TMEM9B: variants seen among roughly 807,000 people sequenced by gnomAD.
TMEM9B encodes transmembrane protein 9B.
A neutral mutation model predicts 23.5 loss-of-function variants in TMEM9B; 8 were observed. That is an observed-to-expected ratio of 0.34 (90% CI 0.20 to 0.61). The LOEUF (loss-of-function observed/expected upper bound fraction) is 0.61, where lower values mean the gene tolerates loss of function less well. Ranked by LOEUF, TMEM9B falls within the 20% of genes least tolerant of loss-of-function variation. The pLI is 0.78. For synonymous variants in TMEM9B, 106 were observed against 96.3 expected, an observed-to-expected ratio of 1.10 and a Z score of -0.59; for missense variants, 197 against 252.3, an observed-to-expected ratio of 0.78 and a Z score of 1.49.
At chr11:8,956,156 G>A in intron 3 of TMEM9B, 34 bp downstream of exon 3, 1 of 1,590,528 alleles carries the variant, frequency 6.3e-7, no homozygotes. Flanking sequence ...TAGACAGACA[G>A]ACAGACAGGT....
At chr11:8,959,190 A>G (rs1854029499) in intron 2 of TMEM9B, among the ~76,000 whole-genome samples, 1 of 152,196 alleles carries the variant, frequency 6.6e-6, no homozygotes, top group South Asian at 2.1e-4. Flanking sequence ...TATCCCTATA[A>G]TCCCAGAGTT....
Position 8,948,417 on chromosome 11 carries a change from T to A in TMEM9B, c.500A>T (p.Asn167Ile), listed in dbSNP as rs1214632776. The A allele has an allele frequency of 6.2e-7, 1 of 1,614,238 alleles. No individual in the cohort carries two copies. The highest frequency in any genetic ancestry group is 2.2e-5 in the East Asian group (1 of 44,884). ...DVLARSRSRA[N>I]VLNKVEYAQQ... ...TGCATATTCTACCTTGTTCAGCACG[T>A]TGGCTCGACTGCGGGAGCGGGCTAG... Residue 167 changes from asparagine (N) to isoleucine (I), a missense_variant, in exon 5 of 5, where the codon AAC becomes ATC. Physicochemically the swap from Asn to Ile is moderately radical, Grantham distance 149 (BLOSUM62 -3). This residue lies in a region of TMEM9B where 141 missense variants were observed against 214.1 expected (regional missense o/e 0.66). Coordinates refer to ENST00000534025, the MANE Select transcript of TMEM9B (RefSeq NM_020644.3).
intron 3 of TMEM9B, 141 bp from the exon 4 acceptor site, chr11:8,953,478 C>T: frequency 3.6e-6 from 3 of 839,880 alleles, no homozygotes; most frequent in Non-Finnish European, 5.4e-6. Context: ...AAGAAATAAA[C>T]TCAACTCTTC....
chr11:8,955,447 T>C (rs932066878), intron 3 of TMEM9B, among the ~76,000 whole-genome samples: 8 of 152,176 alleles, frequency 5.3e-5, no homozygotes, highest in African/African-American at 1.7e-4. Flanking sequence ...CACCATAACA[T>C]AGAATCAGTG....
Position 8,948,505 on chromosome 11 carries a change from G to A in TMEM9B, c.442-30C>T, listed in dbSNP as rs1306309633. On this transcript the variant is annotated intron_variant, in intron 4 of 4. Coordinates refer to ENST00000534025, the MANE Select transcript of TMEM9B (RefSeq NM_020644.3). The stretch of plus-strand genomic sequence containing the variant: ...AAGTCCAGGAATGGAGAACATTAGA[G>A]ATGGCACAGTCAGTGTAAAACATAG... The A allele has an allele frequency of 1.9e-6, 3 of 1,608,582 alleles. No homozygotes were observed. The African/African-American group carries it at 4.0e-5, about 22-fold the overall frequency.
intron 2 of TMEM9B, among the ~76,000 whole-genome samples, chr11:8,958,242 C>T (rs1282880810): frequency 6.7e-6 from 1 of 148,846 alleles, no homozygotes; most frequent in African/African-American, 2.5e-5. Context: ...GCGGTTGGAT[C>T]ATGAGGTCAG....
At chr11:8,953,000 C>T (rs1853911905) in intron 4 of TMEM9B, 1 of 657,036 alleles carries the variant, frequency 1.5e-6, no homozygotes, top group East Asian at 2.7e-5. Flanking sequence ...CAAAGATCAT[C>T]GTTTAAATCA....
At position 8,964,253 on chromosome 11, in the gene TMEM9B, C is replaced by T; in HGVS notation, c.61G>A (p.Ala21Thr). The T allele has an allele frequency of 6.3e-7, 1 of 1,597,060 alleles. No homozygotes were observed. The highest frequency in any genetic ancestry group is 1.7e-4 in the Middle Eastern group (1 of 6,018). Residue 21 changes from alanine to threonine, a missense_variant, in exon 1 of 5, where the codon GCG becomes ACG. By Grantham distance (58) the Ala-to-Thr change is moderately conservative (BLOSUM62 0). Coordinates refer to ENST00000534025, the MANE Select transcript of TMEM9B (RefSeq NM_020644.3). Reference protein sequence around the residue: ...LGSLLSLSCLALSVLLLAQLS... With the variant: ...LGSLLSLSCLTLSVLLLAQLS... ...TGCGCCAGCAGCAGCACGGAAAGCG[C>T]CAGGCACGACAGGCTGAGCAAGGAG...
At position 8,964,328 on chromosome 11, in the gene TMEM9B, C is replaced by A. The variant is rs1311910978; in HGVS notation, c.-15G>T. On this transcript the variant is annotated 5_prime_UTR_variant, in exon 1 of 5. Coordinates refer to ENST00000534025, the MANE Select transcript of TMEM9B (RefSeq NM_020644.3). ...AGGGTCGCCATCGCTGGGGGCCCAG[C>A]GGTCCCACAGCCCGGAGCCCCCGCG... The A allele has an allele frequency of 2.6e-6, 4 of 1,555,372 alleles. No homozygotes were observed. Among genetic ancestry groups the A allele is most frequent in the Non-Finnish European group, 3.5e-6 (4 of 1,150,896 alleles).
chr11:8,956,130 A>G, intron 3 of TMEM9B, 60 bp downstream of exon 3: 1 of 1,516,138 alleles, frequency 6.6e-7, no homozygotes, highest in Non-Finnish European at 9.0e-7. Flanking sequence ...GAAACCATCC[A>G]GAAGCAGAAA....
At chr11:8,962,411 A>G (rs1320325576) in intron 1 of TMEM9B, among the ~76,000 whole-genome samples, 1 of 152,216 alleles carries the variant, frequency 6.6e-6, no homozygotes, top group Non-Finnish European at 1.5e-5. Flanking sequence ...TACCTAATAC[A>G]TGATCTAAGA....
At chr11:8,952,277 C>CAT (rs1853896313) in intron 4 of TMEM9B, among the ~76,000 whole-genome samples, 7 of 76,022 alleles carry the variant, frequency 9.2e-5, no homozygotes, top group Non-Finnish European at 1.5e-4. Flanking sequence ...CACACACACA[C>CAT]ACGCTATATA....
intron 4 of TMEM9B, chr11:8,952,862 G>A (rs1341985485): frequency 2.0e-6 from 1 of 501,780 alleles, no homozygotes; most frequent in Non-Finnish European, 3.5e-6. Flanking sequence ...GATATTGACA[G>A]AGAAGGTGTT....
chr11:8,964,118 T>A (rs1854138471), intron 1 of TMEM9B, 91 bp downstream of exon 1: 1 of 1,289,090 alleles, frequency 7.8e-7, no homozygotes, highest in Non-Finnish European at 1.1e-6. Flanking sequence ...CTGTCAGGAA[T>A]GGGCCAAGGA....
chr11:8,960,020 C>T (rs1043467896), intron 2 of TMEM9B, among the ~76,000 whole-genome samples: 1 of 151,994 alleles, frequency 6.6e-6, no homozygotes, highest in Non-Finnish European at 1.5e-5. Flanking sequence ...TCAGTGCCAG[C>T]TGGGAACTTA....
intron 2 of TMEM9B, among the ~76,000 whole-genome samples, chr11:8,960,732 A>T (rs1278779675): frequency 6.6e-6 from 1 of 150,596 alleles, no homozygotes; most frequent in Non-Finnish European, 1.5e-5. Flanking sequence ...CCCAGGCTGG[A>T]GTGCAGTGGC....
At chr11:8,963,049 A>G (rs1351046931) in intron 1 of TMEM9B, among the ~76,000 whole-genome samples, 1 of 152,202 alleles carries the variant, frequency 6.6e-6, no homozygotes, top group Non-Finnish European at 1.5e-5. Context: ...TGTGCTCAAT[A>G]AGGTGGATTC....
chr11:8,953,216 T>A lies in TMEM9B; in HGVS notation c.428A>T (p.Asp143Val). The change falls in exon 4 of 5, where the codon GAT becomes GTT. Residue 143 changes from aspartate to valine, a missense_variant. By Grantham distance (152) the Asp-to-Val change is radical (BLOSUM62 -3). Coordinates refer to ENST00000534025, the MANE Select transcript of TMEM9B (RefSeq NM_020644.3). ...CTGGGAACTTACCCCAATATCATCA[T>A]CACTCTGTATCAACTGTGCATGTCC... ...LFGHAQLIQS[D>V]DDIGDHQPFA... 1 of 1,614,128 alleles carries A rather than the reference T, an allele frequency of 6.2e-7. No homozygotes were observed. The highest frequency in any genetic ancestry group is 8.5e-7 in the Non-Finnish European group (1 of 1,180,012).
At chr11:8,962,302 T>C in intron 1 of TMEM9B, 119 bp from the exon 2 acceptor site, 4 of 639,376 alleles carry the variant, frequency 6.3e-6, no homozygotes, top group South Asian at 2.0e-5. Flanking sequence ...TCTAAAATCA[T>C]TCATTTAAAA....
Sources: allele counts gnomAD v4.1 joint callset (sites outside exome capture counted in the v4.1 genomes callset), GRCh38; gene constraint gnomAD v4.1.1; regional missense constraint gnomAD v4.1.1; transcripts MANE v1.5; gene names NCBI Gene and HGNC (gene_info 2026-07-23, HGNC 2026-07-21).